The following WDR86 variants were observed in gnomAD, a reference collection of about 807,000 sequenced individuals.
WDR86 encodes WD repeat domain 86.
WDR86 carries 30 observed loss-of-function variants against 36.5 expected under a neutral mutation model. The ratio of observed to expected loss-of-function variants is 0.82; its 90% CI spans 0.61 to 1.11. The LOEUF (loss-of-function observed/expected upper bound fraction) is 1.11. WDR86 is among the 50% of genes most tolerant of loss of function. WDR86 has a pLI of 0.00. For synonymous variants in WDR86, 255 were observed against 252.9 expected, an observed-to-expected ratio of 1.01 and a Z score of -0.08; for missense variants, 545 against 561.2, an observed-to-expected ratio of 0.97 and a Z score of 0.29.
rs1430539106 is a variant in WDR86, at chr7:151,396,036, A to G, written c.466T>C (p.Cys156Arg). The part of the protein sequence containing the change: ...SAPWDLPSTP[C>R]AEEAAAGGLL... ...CCCCCGGCCGCGGCCTCCTCCGCGC[A>G]GGGAGTGCTGGGGAGGTCCCACGGG... The change falls in exon 3 of 6, where the codon TGC (cysteine) becomes CGC (arginine). Residue 156 changes from cysteine to arginine, a missense_variant. By Grantham distance (180) the Cys-to-Arg change is radical. Transcript: ENST00000334493. 3 of 1,609,642 alleles carry G rather than the reference A, an allele frequency of 1.9e-6. No homozygotes were observed. The East Asian group carries it at 6.7e-5, about 36-fold the overall frequency.
chr7:151,386,176 T>G (rs1798967647), intron 3 of WDR86, among the ~76,000 whole-genome samples: 1 of 152,148 alleles, frequency 6.6e-6, no homozygotes, highest in Non-Finnish European at 1.5e-5. Context: ...CGGCAGGCAG[T>G]CAGTTCACGC....
At chr7:151,407,041 G>A (rs895382346) in intron 1 of WDR86, among the ~76,000 whole-genome samples, 20 of 152,184 alleles carry the variant, frequency 1.3e-4, no homozygotes, top group African/African-American at 3.1e-4. Context: ...CAAGTTGAGC[G>A]TATCAGTAGA....
At chr7:151,408,928 T>C (rs535753249) in intron 1 of WDR86, 2 of 471,892 alleles carry the variant, frequency 4.2e-6, no homozygotes, top group Non-Finnish European at 8.8e-6. Context: ...TGGGGTAACA[T>C]AGTGTGACGA....
chr7:151,399,908 G>A (rs1291691978), intron 2 of WDR86, among the ~76,000 whole-genome samples, 192 bp downstream of exon 2: 3 of 152,234 alleles, frequency 2.0e-5, no homozygotes, highest in Admixed American at 6.5e-5. Context: ...ACATGCAGCC[G>A]CAGGCACTGA....
intron 2 of WDR86, among the ~76,000 whole-genome samples, chr7:151,397,353 C>G (rs1799898108): frequency 6.6e-6 from 1 of 152,278 alleles, no homozygotes; most frequent in African/African-American, 2.4e-5. Flanking sequence ...TGACTCCACT[C>G]AAATGCCAAC....
chr7:151,396,823 C>A (rs879439232), intron 2 of WDR86, among the ~76,000 whole-genome samples: 2 of 152,240 alleles, frequency 1.3e-5, no homozygotes, highest in Admixed American at 1.3e-4. Flanking sequence ...GCTGCCAGCT[C>A]TCACAGCAAT....
In WDR86 at chr7:151,395,859, C is replaced by T. The variant is rs1024353200; in HGVS notation, c.643G>A (p.Ala215Thr). Residue 215 changes from alanine (A) to threonine (T), a missense_variant, in exon 3 of 6, where the codon GCC (alanine) becomes ACC (threonine). Ala to Thr is a moderately conservative substitution (Grantham distance 58). Coordinates refer to ENST00000334493, the MANE Select transcript of WDR86 (RefSeq NM_198285.3). ...AGGATGTCCCAGGCACGGATGGTGG[C>T]GTCGGTGCTGCCTGTGAAGGCCGTG... is the stretch of plus-strand genomic sequence containing the variant. ...GHTAFTGSTD[A>T]TIRAWDILSG... 1.4e-5 allele frequency: 22 copies of T among 1,593,562 alleles called. No homozygotes were observed. Among genetic ancestry groups the T allele is most frequent in the Admixed American group, 1.7e-5 (1 of 57,946 alleles).
intron 2 of WDR86, among the ~76,000 whole-genome samples, chr7:151,397,747 AGGGT>A (rs1452788414): frequency 2.4e-4 from 31 of 129,794 alleles, no homozygotes; most frequent in African/African-American, 8.8e-4. Flanking sequence ...CGGGAGGAAG[AGGGT>A]GTAGCGGGAG....
Position 151,395,813 on chromosome 7 carries a change from A to G in WDR86, c.689T>C (p.Val230Ala), listed in dbSNP as rs1585025102. 3.2e-6 allele frequency: 5 copies of G among 1,571,410 alleles called. No homozygotes were observed. The highest frequency in any genetic ancestry group is 4.3e-6 in the Non-Finnish European group (5 of 1,160,698). ...WDILSGEQLR[V>A]FREHRGSVIC... is the part of the protein sequence containing the mutation. ...GACGGAGCCCCGGTGCTCCCGGAAC[A>G]CCCGCAGCTGCTCCCCACTCAGGAT... Residue 230 changes from valine to alanine, a missense_variant, in exon 3 of 6, where the codon GTG becomes GCG. Physicochemically the swap from Val to Ala is moderately conservative, Grantham distance 64. Transcript: ENST00000334493.
chr7:151,392,509 G>A (rs1014632922), intron 3 of WDR86, among the ~76,000 whole-genome samples: 10 of 152,268 alleles, frequency 6.6e-5, no homozygotes, highest in Admixed American at 2.6e-4. Context: ...CCCCCTACCC[G>A]GGGGGTGGGC....
chr7:151,400,038 C>T (rs1584780557), intron 2 of WDR86, 62 bp downstream of exon 2: 1 of 1,444,210 alleles, frequency 6.9e-7, no homozygotes, highest in East Asian at 2.6e-5. Context: ...ATCTCTGACC[C>T]CTCAGCCCCA....
At chr7:151,382,331 C>T (rs973930211) in intron 4 of WDR86, among the ~76,000 whole-genome samples, 7 of 152,178 alleles carry the variant, frequency 4.6e-5, no homozygotes, top group Non-Finnish European at 7.3e-5. Context: ...CCCTACCTTC[C>T]GCTGCGTCGG....
chr7:151,402,261 G>A (rs1018690446), intron 1 of WDR86, among the ~76,000 whole-genome samples: 5 of 151,480 alleles, frequency 3.3e-5, no homozygotes, highest in Middle Eastern at 3.4e-3. Context: ...GTTTAGATGT[G>A]GCCCTGCTGA....
intron 3 of WDR86, among the ~76,000 whole-genome samples, chr7:151,391,535 C>T (rs376671874): frequency 5.9e-5 from 9 of 152,228 alleles, no homozygotes; most frequent in East Asian, 1.9e-4. Context: ...GGAGCCCGGG[C>T]GAGACTGAGG....
chr7:151,398,654 A>G (rs112884915), intron 2 of WDR86, among the ~76,000 whole-genome samples: 9 of 149,094 alleles, frequency 6.0e-5, no homozygotes, highest in Non-Finnish European at 1.2e-4. Context: ...TATGTTGTGT[A>G]TGCACGTGTA....
At chr7:151,377,334 T>C (rs1348172085), downstream of WDR86, 2 of 628,402 alleles carry the variant, frequency 3.2e-6, no homozygotes, top group Non-Finnish European at 4.9e-6. Flanking sequence ...AAGTCCTCTT[T>C]GGGTGTAGGA....
In WDR86 at chr7:151,405,665, G is replaced by A. The variant is rs1230907644; in HGVS notation, c.163+3762C>T. On this transcript the variant is annotated intron_variant, in intron 1 of 5. Coordinates refer to ENST00000334493, the MANE Select transcript of WDR86 (RefSeq NM_198285.3). The surrounding 1 kb of genome is among the most constrained non-coding windows in gnomAD (Gnocchi z 4.7). ...GGCTTTCTGGACTTCTCCGGTGGGA[G>A]CGGTCAGTTGCCCCCAAGCTGTGTG... 6.6e-6 allele frequency among the ~76,000 whole-genome samples: 1 copy of A among 152,130 alleles called. No homozygotes were observed. The highest frequency in any genetic ancestry group is 1.5e-5 in the Non-Finnish European group (1 of 68,024).
At chr7:151,402,880 C>G (rs1800443289) in intron 1 of WDR86, among the ~76,000 whole-genome samples, 1 of 152,200 alleles carries the variant, frequency 6.6e-6, no homozygotes, top group Non-Finnish European at 1.5e-5. Context: ...GGTCTCTGAT[C>G]TTAGTAGGGC....
chr7:151,393,724 C>T (rs1477123705), intron 3 of WDR86, among the ~76,000 whole-genome samples: 5 of 152,130 alleles, frequency 3.3e-5, no homozygotes, highest in African/African-American at 9.7e-5. Flanking sequence ...CCATACTGCC[C>T]ACCACGGAAC....
Sources: allele counts gnomAD v4.1 joint callset (sites outside exome capture counted in the v4.1 genomes callset), GRCh38; gene constraint gnomAD v4.1.1; non-coding constraint Gnocchi (gnomAD v3.1); transcripts MANE v1.5; gene names NCBI Gene and HGNC (gene_info 2026-07-23, HGNC 2026-07-21).